Variants in ZNF7 observed in about 807,000 individuals in gnomAD.
The protein encoded by ZNF7 is zinc finger protein 7.
Under a neutral mutation model 12.0 loss-of-function variants are expected in ZNF7, and 10 were observed. That is an observed-to-expected ratio of 0.83 (90% CI 0.51 to 1.42). The LOEUF (loss-of-function observed/expected upper bound fraction) is 1.42. Among genes scored for constraint, ZNF7 ranks in the 40% most tolerant of loss-of-function variants. The probability of loss-of-function intolerance (pLI) is 0.00; values close to 1 mark genes in which losing one functional copy is unlikely to be tolerated. For synonymous variants in ZNF7, 334 were observed against 295.0 expected, an observed-to-expected ratio of 1.13 and a Z score of -1.35; for missense variants, 854 against 837.2, an observed-to-expected ratio of 1.02 and a Z score of -0.25.
chr8:144,835,249 C>T (rs1828863064), intron 3 of ZNF7: 1 of 150,834 alleles, frequency 6.6e-6, no homozygotes, highest in South Asian at 2.1e-4. Flanking sequence ...TGTTGTCCAG[C>T]CTAGAGTACA....
rs1256051666 is a variant in ZNF7 at position 144,831,910 on chromosome 8, G to A, written c.130+2306G>A. Among the ~76,000 whole-genome samples the A allele has an allele frequency of 4.9e-5, 5 of 101,556 alleles. 1 individual carries two copies. Among genetic ancestry groups the A allele is most frequent in the Non-Finnish European group, 9.9e-5 (4 of 40,376 alleles). The allele number at this position is 101,556 out of a possible 152,430, so 66.6% of individuals were successfully genotyped here. On this transcript the variant is annotated intron_variant, in intron 3 of 4. Transcript: ENST00000532777. The stretch of plus-strand genomic sequence containing the variant: ...CATGCCTGTAGTCCCAGCTACTGGG[G>A]AGAGCGAGGAGGGAGGATTGCCTGA...
In ZNF7 at chr8:144,837,417, C is replaced by T. The variant is rs1829141115; in HGVS notation, c.157C>T (p.Leu53=). 2 of 1,612,590 alleles carry T rather than the reference C, an allele frequency of 1.2e-6. No individual in the cohort carries two copies. Among genetic ancestry groups the T allele is most frequent in the Non-Finnish European group, 1.7e-6 (2 of 1,178,748 alleles). ...LAGFLVFKPE[L]ISRLEQGEEP... ...AGGATTCCTGGTTTTCAAGCCTGAG[C>T]TGATCTCTCGGCTGGAGCAGGGAGA... Residue 53 remains leucine, a synonymous_variant, in exon 4 of 5, where the codon CTG becomes TTG. Coordinates refer to ENST00000532777, the MANE Select transcript of ZNF7 (RefSeq NM_003416.4).
rs138881141 is a variant in ZNF7 at position 144,841,434 on chromosome 8, C to G, written c.327C>G (p.Val109=). 1.2e-3 allele frequency: 1,979 copies of G among 1,614,190 alleles called. 4 individuals are homozygous for G. Among genetic ancestry groups the G allele is most frequent in the Middle Eastern group, 2.8e-3 (17 of 6,062 alleles). The part of the protein sequence containing the change: ...ILKSESYGTV[V]RISPQDFPQN... ...AATCAGAATCCTATGGGACAGTGGT[C>G]AGAATCTCCCCACAGGACTTTCCTC... is the stretch of plus-strand genomic sequence containing the variant. Residue 109 remains valine, a synonymous_variant, in exon 5 of 5, where the codon GTC becomes GTG. Coordinates refer to ENST00000532777, the MANE Select transcript of ZNF7 (RefSeq NM_003416.4).
In ZNF7 at chr8:144,842,509, C is replaced by T. The variant is rs762152302; in HGVS notation, c.1402C>T (p.Pro468Ser). ...TCAGAGAACTCACACTGGAGAAAAA[C>T]CATTTAAATGTGATGAGTGTGGCAA... ...RHQRTHTGEK[P>S]FKCDECGKGF... The change falls in exon 5 of 5, where the codon CCA (proline) becomes TCA (serine). Residue 468 changes from proline to serine, a missense_variant. Coordinates refer to ENST00000532777, the MANE Select transcript of ZNF7 (RefSeq NM_003416.4). 2 of 1,614,008 alleles carry T rather than the reference C, an allele frequency of 1.2e-6. No individual in the cohort carries two copies. The highest frequency in any genetic ancestry group is 1.7e-6 in the Non-Finnish European group (2 of 1,180,042).
intron 1 of ZNF7, 145 bp downstream of exon 1, chr8:144,827,754 T>A (rs982920888): frequency 2.2e-6 from 2 of 908,460 alleles, no homozygotes; most frequent in Non-Finnish European, 1.3e-6. Context: ...TTGCGGGGCC[T>A]TGAGCGCCTG....
intron 3 of ZNF7, chr8:144,835,129 A>G (rs954418553): frequency 6.6e-6 from 1 of 152,042 alleles, no homozygotes; most frequent in African/African-American, 2.4e-5. Flanking sequence ...GGTGGAGCTA[A>G]TCTGTAAAAC....
chr8:144,844,807 AG>A (rs2130750508), downstream of ZNF7, among the ~76,000 whole-genome samples: 1 of 149,006 alleles, frequency 6.7e-6, no homozygotes, highest in Admixed American at 6.7e-5. Flanking sequence ...GGGTGATGAG[AG>A]GGAGTGGGGA....
chr8:144,844,867 G>A (rs1830425063), downstream of ZNF7, among the ~76,000 whole-genome samples: 1 of 151,908 alleles, frequency 6.6e-6, no homozygotes, highest in African/African-American at 2.4e-5. Flanking sequence ...CTTGGGGTGA[G>A]AGTGGGTTAG....
Position 144,829,070 on chromosome 8 carries a change from C to T in ZNF7, c.-18C>T. On this transcript the variant is annotated 5_prime_UTR_variant, in exon 2 of 5. Coordinates refer to ENST00000532777, the MANE Select transcript of ZNF7 (RefSeq NM_003416.4). ...CTCTCGGCCAGAACACGTGGATGCC[C>T]ACCCACCACTGAGCCTCATGGTAGG... The T allele has an allele frequency of 6.2e-7, 1 of 1,614,076 alleles. No individual in the cohort carries two copies. The highest frequency in any genetic ancestry group is 1.1e-5 in the South Asian group (1 of 91,060).
At chr8:144,837,598 CG>C in intron 4 of ZNF7, 91 bp downstream of exon 4, 3 of 894,600 alleles carry the variant, frequency 3.4e-6, no homozygotes, top group Non-Finnish European at 1.7e-6. Context: ...GGGTGAGTCG[CG>C]GGGGCTACAC....
rs1438191527 is a variant in ZNF7, at chr8:144,837,471, G to A, written c.211G>A (p.Ala71Thr). The change falls in exon 4 of 5, where the codon GCA (alanine) becomes ACA (threonine). Residue 71 changes from alanine to threonine, a missense_variant. Transcript: ENST00000532777. The stretch of plus-strand genomic sequence containing the variant: ...GCCATGGGTCCTCGACCTGCAGGGA[G>A]CAGAGGGGACAGAGGCACCAAGGAC... ...EEPWVLDLQG[A>T]EGTEAPRTSK... The A allele has an allele frequency of 1.9e-6, 3 of 1,612,658 alleles. No homozygotes were observed. The highest frequency in any genetic ancestry group is 2.5e-6 in the Non-Finnish European group (3 of 1,178,922).
intron 3 of ZNF7, among the ~76,000 whole-genome samples, chr8:144,833,196 C>A (rs1237687241): frequency 0.013 from 1,421 of 108,296 alleles, no homozygotes; most frequent in African/African-American, 0.017. Flanking sequence ...GACTTTGTCT[C>A]AAAAAAAAAA....
At chr8:144,829,847 T>C (rs1335298759) in intron 3 of ZNF7, 2 of 377,894 alleles carry the variant, frequency 5.3e-6, no homozygotes, top group African/African-American at 4.1e-5. Context: ...CCTAAGCTGT[T>C]AAATTGTGAG....
Position 144,842,020 on chromosome 8 carries a change from C to T in ZNF7, c.913C>T (p.Pro305Ser), listed in dbSNP as rs1393224909. 2 of 1,614,176 alleles carry T rather than the reference C, an allele frequency of 1.2e-6. No individual in the cohort carries two copies. Among genetic ancestry groups the T allele is most frequent in the Admixed American group, 1.7e-5 (1 of 60,010 alleles). Reference protein sequence around the residue: ...QHQRIHTGEKPYRCEECGKAF... With the variant: ...QHQRIHTGEKSYRCEECGKAF... ...TCAAAGAATCCACACTGGGGAGAAGCCCTACAGATGTGAGGAATGTGGAAA... is the reference window on the plus strand; with the variant it reads ...TCAAAGAATCCACACTGGGGAGAAGTCCTACAGATGTGAGGAATGTGGAAA... The change falls in exon 5 of 5, where the codon CCC (proline) becomes TCC (serine). Residue 305 changes from proline (P) to serine (S), a missense_variant. By Grantham distance (74) the Pro-to-Ser change is moderately conservative (BLOSUM62 -1). Transcript: ENST00000532777.
chr8:144,839,208 C>T (rs1340383885), intron 4 of ZNF7, among the ~76,000 whole-genome samples: 1 of 151,822 alleles, frequency 6.6e-6, no homozygotes, highest in Non-Finnish European at 1.5e-5. Context: ...TCATATGCGC[C>T]TAGGGGCTGT....
rs147820301 is a variant in ZNF7, at chr8:144,838,522, A to G, written c.247+1015A>G. 989 of 187,766 alleles carry G rather than the reference A, an allele frequency of 5.3e-3. 10 individuals are homozygous for G. Among genetic ancestry groups the G allele is most frequent in the African/African-American group, 0.021 (909 of 42,422 alleles). The allele number at this position is 187,766 out of a possible 1,614,324, so 11.6% of individuals were successfully genotyped here. A position where few individuals can be genotyped will look rare whatever the true frequency, so the allele number is the denominator to read the frequency against. ...CTCAGCTGCAGAAAGGAAGCCCCTC[A>G]CCTCCCTTTCAGTTGCTGCTGGGTC... On this transcript the variant is annotated intron_variant, in intron 4 of 4. Transcript: ENST00000532777.
rs1830121032 is a variant in ZNF7, at chr8:144,842,801, A to T, written c.1694A>T (p.Asn565Ile). 1 of 1,613,968 alleles carries T rather than the reference A, an allele frequency of 6.2e-7. No homozygotes were observed. The highest frequency in any genetic ancestry group is 1.3e-5 in the African/African-American group (1 of 74,876). ...CNECGKAFSQNSTLFQHQIIH... is the reference protein window; with the variant it reads ...CNECGKAFSQISTLFQHQIIH... ...GAATGTGGGAAAGCCTTCAGTCAAA[A>T]CTCAACCCTTTTCCAACACCAGATA... is the stretch of plus-strand genomic sequence containing the variant. The change falls in exon 5 of 5, where the codon AAC (asparagine) becomes ATC (isoleucine). Residue 565 changes from asparagine to isoleucine, a missense_variant. By Grantham distance (149) the Asn-to-Ile change is moderately radical. Transcript: ENST00000532777.
chr8:144,845,939 G>A, downstream of ZNF7: 4 of 1,530,634 alleles, frequency 2.6e-6, no homozygotes, highest in Non-Finnish European at 3.5e-6. Flanking sequence ...TCACCTTCAG[G>A]TCTAGCACAG....
downstream of ZNF7, chr8:144,846,166 A>G (rs1830502400): frequency 6.5e-7 from 1 of 1,535,980 alleles, no homozygotes; most frequent in Admixed American, 2.0e-5. Context: ...CGTCAGCCAT[A>G]TGGATGGTCT....
Sources: gnomAD v4.1 joint callset for allele counts (sites outside exome capture counted in the v4.1 genomes callset) on GRCh38, gnomAD v4.1.1 for gene constraint, MANE v1.5 for transcripts, NCBI Gene and HGNC (gene_info 2026-07-23, HGNC 2026-07-21) for gene names.